SLCO1B3: variants seen among roughly 807,000 people sequenced by gnomAD.
SLCO1B3 encodes solute carrier organic anion transporter family member 1B3.
In SLCO1B3, 72 loss-of-function variants were observed where a neutral mutation model predicts 71.8. The ratio of observed to expected loss-of-function variants is 1.00; its 90% CI spans 0.83 to 1.22. SLCO1B3 has a LOEUF of 1.22. Among genes scored for constraint, SLCO1B3 ranks in the 50% most tolerant of loss-of-function variants. The pLI is 0.00. For synonymous variants in SLCO1B3, 298 were observed against 278.4 expected (o/e 1.07, Z -0.70); for missense variants, 911 against 819.7 (o/e 1.11, Z -1.36).
intron 3 of SLCO1B3, among the ~76,000 whole-genome samples, chr12:20,825,386 T>C (rs2121107140): frequency 6.6e-6 from 1 of 152,214 alleles, no homozygotes; most frequent in South Asian, 2.1e-4. Context: ...ATGAATGCAG[T>C]TTATTTTGAT....
intron 15 of SLCO1B3, among the ~76,000 whole-genome samples, chr12:20,911,779 T>C (rs1418405264): frequency 6.6e-6 from 1 of 152,178 alleles, no homozygotes; most frequent in East Asian, 1.9e-4. Flanking sequence ...TCTACAGTGA[T>C]GTTCCATCTT....
Position 20,901,411 on chromosome 12 carries a change from C to G in SLCO1B3, c.1809C>G (p.Ser603=), listed in dbSNP as rs137912239. 1.2e-4 allele frequency: 198 copies of G among 1,585,280 alleles called. No homozygotes were observed. The highest frequency in any genetic ancestry group is 6.4e-4 in the Admixed American group (34 of 53,314). ...TTGATAAAACATGTATGAAGTGGTCCACCAACAGCTGTGGAGCACAAGGGG... is the reference window on the plus strand; with the variant it reads ...TTGATAAAACATGTATGAAGTGGTCGACCAACAGCTGTGGAGCACAAGGGG... ...ALIDKTCMKW[S]TNSCGAQGAC... Residue 603 remains serine, a synonymous_variant, in exon 15 of 16, where the codon TCC becomes TCG. Coordinates refer to ENST00000381545, the MANE Select transcript of SLCO1B3 (RefSeq NM_019844.4).
At position 20,915,934 on chromosome 12, in the gene SLCO1B3, G is replaced by A. The variant is rs964035521; in HGVS notation, c.1866-70G>A. ...TCTTTCTTTTAAGATATGCATACTG[G>A]GGAGAAAAAAATGTAAGATATTTTA... On this transcript the variant is annotated intron_variant, in intron 15 of 15. Transcript: ENST00000381545. 3 of 1,231,362 alleles carry A rather than the reference G, an allele frequency of 2.4e-6. 1 individual carries two copies. Among genetic ancestry groups the A allele is most frequent in the South Asian group, 1.5e-5 (1 of 66,194 alleles). The allele number at this position is 1,231,362 out of a possible 1,614,324, so 76.3% of individuals were successfully genotyped here. A position where few individuals can be genotyped will look rare whatever the true frequency, so the allele number is the denominator to read the frequency against.
chr12:20,857,829 T>C (rs1220464244), intron 4 of SLCO1B3, among the ~76,000 whole-genome samples: 1 of 152,130 alleles, frequency 6.6e-6, no homozygotes, highest in Non-Finnish European at 1.5e-5. Context: ...ATTGGTCTAC[T>C]CTTATTGCTC....
chr12:20,904,403 A>G (rs1866193320), intron 15 of SLCO1B3, among the ~76,000 whole-genome samples: 1 of 152,024 alleles, frequency 6.6e-6, no homozygotes, highest in African/African-American at 2.4e-5. Context: ...CTCCAAAATG[A>G]TCTCCTTTGA....
intron 3 of SLCO1B3, among the ~76,000 whole-genome samples, chr12:20,837,728 A>G (rs1011678420): frequency 2.0e-5 from 3 of 152,302 alleles, no homozygotes; most frequent in Admixed American, 2.0e-4. Context: ...TTTATGGCTT[A>G]GAATGTGGTC....
At chr12:20,910,207 T>C (rs1008795807) in intron 15 of SLCO1B3, among the ~76,000 whole-genome samples, 2 of 152,196 alleles carry the variant, frequency 1.3e-5, no homozygotes, top group African/African-American at 4.8e-5. Context: ...TTGTTGCAAA[T>C]ACTATATTTT....
intron 3 of SLCO1B3, among the ~76,000 whole-genome samples, chr12:20,832,789 TC>T (rs1414357918): frequency 6.6e-6 from 1 of 152,224 alleles, no homozygotes; most frequent in Non-Finnish European, 1.5e-5. Context: ...ATTTCTTTAC[TC>T]CTGAACACCC....
chr12:20,860,742 A>C (rs1026628165), intron 5 of SLCO1B3, among the ~76,000 whole-genome samples: 1 of 152,004 alleles, frequency 6.6e-6, no homozygotes, highest in African/African-American at 2.4e-5. Context: ...ATGATATTTC[A>C]TATCTTGACC....
At chr12:20,820,562 CT>C (rs1864277236) in intron 3 of SLCO1B3, among the ~76,000 whole-genome samples, 1 of 152,152 alleles carries the variant, frequency 6.6e-6, no homozygotes, top group Non-Finnish European at 1.5e-5. Flanking sequence ...TGGGGTTTGT[CT>C]CACAGTGGAG....
intron 3 of SLCO1B3, 40 bp from the exon 4 acceptor site, chr12:20,854,988 T>C (rs1217998723): frequency 2.5e-6 from 4 of 1,582,808 alleles, no homozygotes; most frequent in Non-Finnish European, 3.4e-6. Context: ...ATATAGTTCT[T>C]TGATTAACCA....
intron 15 of SLCO1B3, among the ~76,000 whole-genome samples, chr12:20,904,828 C>A (rs746314068): frequency 8.6e-6 from 1 of 116,732 alleles, no homozygotes; most frequent in Non-Finnish European, 1.6e-5. Context: ...GGCTGGAGTG[C>A]AGTGGCATGA....
intron 13 of SLCO1B3, 114 bp downstream of exon 13, chr12:20,883,716 T>C (rs1865740066): frequency 4.5e-6 from 3 of 662,640 alleles, no homozygotes; most frequent in Non-Finnish European, 7.5e-6. Context: ...TTTTTAATTC[T>C]TTGAGAATGC....
intron 3 of SLCO1B3, among the ~76,000 whole-genome samples, chr12:20,852,420 A>C (rs1393961958): frequency 1.3e-5 from 2 of 152,204 alleles, no homozygotes; most frequent in Non-Finnish European, 2.9e-5. Flanking sequence ...TTGGGACTGC[A>C]GTGAGCCATG....
rs11292391 is a variant in SLCO1B3 at position 20,811,905 on chromosome 12, A to ATTTTTTTTT, written c.-181+1152_-181+1160dup. Among the ~76,000 whole-genome samples the ATTTTTTTTT allele has an allele frequency of 8.4e-4, 97 of 114,808 alleles. 1 individual carries two copies. The highest frequency in any genetic ancestry group is 1.3e-3 in the East Asian group (5 of 3,740). 75.3% of individuals were successfully genotyped at this position (114,808 alleles called of 152,430 possible). On this transcript the variant is annotated intron_variant, in intron 1 of 15. Transcript: ENST00000381545. The stretch of plus-strand genomic sequence containing the variant: ...TAGGTACTTTGTACTTACTTGATAC[A>ATTTTTTTTT]TTTTTTTTTTTTTTTTTTTGAGAAG...
intron 3 of SLCO1B3, among the ~76,000 whole-genome samples, chr12:20,845,827 C>T (rs1197354730): frequency 3.9e-5 from 6 of 152,062 alleles, no homozygotes; most frequent in African/African-American, 1.4e-4. Flanking sequence ...TTTAAGTTCT[C>T]CACTATAATT....
intron 3 of SLCO1B3, among the ~76,000 whole-genome samples, chr12:20,844,436 T>C (rs1018171832): frequency 2.0e-5 from 3 of 151,712 alleles, no homozygotes; most frequent in Non-Finnish European, 1.5e-5. Flanking sequence ...CATGGTGGCA[T>C]ATACCCCTGT....
intron 2 of SLCO1B3, among the ~76,000 whole-genome samples, chr12:20,815,211 C>T (rs535052049): frequency 6.6e-6 from 1 of 151,870 alleles, no homozygotes; most frequent in Non-Finnish European, 1.5e-5. Flanking sequence ...CTGAGGCTAT[C>T]CTAATCATTA....
intron 13 of SLCO1B3, among the ~76,000 whole-genome samples, chr12:20,887,026 A>AT (rs1865804146): frequency 6.6e-6 from 1 of 152,020 alleles, no homozygotes; most frequent in African/African-American, 2.4e-5. Flanking sequence ...ATTTCTATCC[A>AT]CATTGCTATA....
Sources: allele counts gnomAD v4.1 joint callset (sites outside exome capture counted in the v4.1 genomes callset), GRCh38; gene constraint gnomAD v4.1.1; transcripts MANE v1.5; gene names NCBI Gene and HGNC (gene_info 2026-07-23, HGNC 2026-07-21).